Variants in CADPS2 observed in about 807,000 individuals in gnomAD.
CADPS2 encodes calcium dependent secretion activator 2.
Under a neutral mutation model 172.5 loss-of-function variants are expected in CADPS2, and 93 were observed. The observed-to-expected ratio is 0.54, with a 90% confidence interval of 0.46 to 0.64. The LOEUF (loss-of-function observed/expected upper bound fraction) is 0.64. CADPS2 is among the 30% of genes least tolerant of loss of function. CADPS2 has a pLI of 0.00. For missense variants in CADPS2, 1,420 were observed against 1,565.9 expected, an observed-to-expected ratio of 0.91 and a Z score of 1.57; for synonymous variants, 546 against 555.2, an observed-to-expected ratio of 0.98 and a Z score of 0.23.
At chr7:122,774,874 T>C (rs868544360) in intron 1 of CADPS2, among the ~76,000 whole-genome samples, 5 of 152,190 alleles carry the variant, frequency 3.3e-5, no homozygotes, top group Admixed American at 6.5e-5. Context: ...ATGGTATGTG[T>C]CTGTGTGCAT....
In CADPS2 at chr7:122,738,042, G is replaced by A. The variant is rs114748152; in HGVS notation, c.340-974C>T. ...GAGGCAGCAGGTAGGCAGTGAATGCGTCTTTGAGCACATAGGAGAAAATGC... is the reference window on the plus strand; with the variant it reads ...GAGGCAGCAGGTAGGCAGTGAATGCATCTTTGAGCACATAGGAGAAAATGC... On this transcript the variant is annotated intron_variant, in intron 1 of 29. Transcript: ENST00000449022. Among the ~76,000 whole-genome samples the A allele has an allele frequency of 5.0e-3, 757 of 152,190 alleles. 10 individuals are homozygous for A. Among genetic ancestry groups the A allele is most frequent in the African/African-American group, 0.018 (728 of 41,530 alleles).
chr7:122,684,448 T>TATAC (rs2083414371), intron 2 of CADPS2, among the ~76,000 whole-genome samples: 2 of 152,076 alleles, frequency 1.3e-5, no homozygotes, highest in Admixed American at 1.3e-4. Context: ...TATATATATA[T>TATAC]ACACACATAT....
chr7:122,565,257 C>T (rs566222292), intron 7 of CADPS2, among the ~76,000 whole-genome samples: 8 of 151,842 alleles, frequency 5.3e-5, no homozygotes, highest in Non-Finnish European at 1.0e-4. Context: ...TCCCAATTTG[C>T]CATTTTATAT....
intron 1 of CADPS2, among the ~76,000 whole-genome samples, chr7:122,843,762 T>C (rs751272172): frequency 1.3e-5 from 2 of 151,876 alleles, no homozygotes; most frequent in African/African-American, 4.8e-5. Context: ...AATGAAGAGA[T>C]GGTAAAGAGG....
chr7:122,564,604 G>A (rs2066165811), intron 7 of CADPS2, among the ~76,000 whole-genome samples: 1 of 151,978 alleles, frequency 6.6e-6, no homozygotes, highest in African/African-American at 2.4e-5. Flanking sequence ...ACCATACCTG[G>A]CTGGAGATTT....
At chr7:122,773,228 G>A (rs1034522652) in intron 1 of CADPS2, among the ~76,000 whole-genome samples, 4 of 151,988 alleles carry the variant, frequency 2.6e-5, no homozygotes, top group Non-Finnish European at 4.4e-5. Flanking sequence ...ATATGGAAAC[G>A]TGGTGAACAT....
chr7:122,850,505 C>T (rs1267857539), intron 1 of CADPS2, among the ~76,000 whole-genome samples: 5 of 152,168 alleles, frequency 3.3e-5, no homozygotes, highest in East Asian at 1.9e-4. Context: ...GCGGGGAGCA[C>T]ATTTTATTCT....
At chr7:122,834,460 C>G (rs1011309830) in intron 1 of CADPS2, among the ~76,000 whole-genome samples, 3 of 152,130 alleles carry the variant, frequency 2.0e-5, no homozygotes, top group African/African-American at 7.2e-5. Flanking sequence ...GTGCAGCCCA[C>G]TGAGCGAGAT....
chr7:122,646,523 A>G (rs757528485), intron 3 of CADPS2, among the ~76,000 whole-genome samples: 33 of 152,134 alleles, frequency 2.2e-4, no homozygotes, highest in Non-Finnish European at 4.3e-4. Context: ...GAGAAGTAGG[A>G]ATTCCAAATG....
intron 2 of CADPS2, chr7:122,698,753 A>C (rs756395852): frequency 1.2e-6 from 2 of 1,613,772 alleles, no homozygotes; most frequent in Non-Finnish European, 1.7e-6. Flanking sequence ...GTCTCTCCCA[A>C]CTCTGACAAC....
chr7:122,593,363 C>T (rs1305173084), intron 6 of CADPS2, among the ~76,000 whole-genome samples: 2 of 151,998 alleles, frequency 1.3e-5, no homozygotes, highest in African/African-American at 2.4e-5. Flanking sequence ...CCTGAGCCCT[C>T]GCCCACAGCC....
chr7:122,816,938 C>T (rs1801607474), intron 1 of CADPS2, among the ~76,000 whole-genome samples: 1 of 151,762 alleles, frequency 6.6e-6, no homozygotes, highest in African/African-American at 2.4e-5. Flanking sequence ...TTTCCTGGCT[C>T]ATCCTGGCTC....
At chr7:122,581,134 G>T in intron 7 of CADPS2, 45 bp downstream of exon 7, 1 of 1,413,818 alleles carries the variant, frequency 7.1e-7, no homozygotes, top group Non-Finnish European at 1.0e-6. Flanking sequence ...ATCCAAAGAA[G>T]TTAAAACTGT....
intron 17 of CADPS2, among the ~76,000 whole-genome samples, chr7:122,418,403 A>G (rs1206129774): frequency 2.0e-5 from 3 of 152,204 alleles, no homozygotes; most frequent in Non-Finnish European, 4.4e-5. Flanking sequence ...AGAATGTGCT[A>G]AGAATGATGG....
At chr7:122,539,001 T>C (rs550129739) in intron 8 of CADPS2, among the ~76,000 whole-genome samples, 3 of 152,078 alleles carry the variant, frequency 2.0e-5, no homozygotes, top group Non-Finnish European at 4.4e-5. Flanking sequence ...ATGAAAAAAA[T>C]TAAATATCTA....
chr7:122,696,657 G>A (rs1165969824), intron 2 of CADPS2, among the ~76,000 whole-genome samples: 1 of 152,126 alleles, frequency 6.6e-6, no homozygotes, highest in African/African-American at 2.4e-5. Flanking sequence ...TAGCCTTAGA[G>A]TTCAAAGCTG....
At position 122,443,590 on chromosome 7, in the gene CADPS2, A is replaced by AT. The variant is rs34333754; in HGVS notation, c.2289-2016dup. 5.9e-3 allele frequency among the ~76,000 whole-genome samples: 852 copies of AT among 143,724 alleles called. 4 individuals are homozygous for AT. The highest frequency in any genetic ancestry group is 0.015 in the African/African-American group (580 of 39,126). The allele number at this position is 143,724 out of a possible 152,430, so 94.3% of individuals were successfully genotyped here. ...TTTGTTCCCTATTTTTAAATACAGT[A>AT]TTTTTTTTTTTTACCAAAGTGATAT... On this transcript the variant is annotated intron_variant, in intron 15 of 29. Transcript: ENST00000449022.
intron 1 of CADPS2, among the ~76,000 whole-genome samples, chr7:122,824,334 A>C (rs921208643): frequency 2.0e-5 from 3 of 152,184 alleles, no homozygotes; most frequent in African/African-American, 7.2e-5. Flanking sequence ...CCATGCTTTT[A>C]ACCATTACCG....
At chr7:122,645,605 TAC>T (rs1485099798) in intron 3 of CADPS2, among the ~76,000 whole-genome samples, 11 of 134,696 alleles carry the variant, frequency 8.2e-5, no homozygotes, top group South Asian at 4.7e-4. Context: ...TATATATATA[TAC>T]ACACACACTA....
Sources: gnomAD v4.1 joint callset for allele counts (sites outside exome capture counted in the v4.1 genomes callset) on GRCh38, gnomAD v4.1.1 for gene constraint, MANE v1.5 for transcripts, NCBI Gene and HGNC (gene_info 2026-07-23, HGNC 2026-07-21) for gene names.